The following BNC2 variants were observed in gnomAD, a reference collection of about 807,000 sequenced individuals.
BNC2 encodes basonuclin zinc finger protein 2, also known as zinc finger protein basonuclin-2.
BNC2 carries 20 observed loss-of-function variants against 76.3 expected under a neutral mutation model. The observed-to-expected ratio is 0.26, with a 90% confidence interval of 0.18 to 0.38. The LOEUF (loss-of-function observed/expected upper bound fraction) is 0.38, where lower values mean the gene tolerates loss of function less well. BNC2 is among the 10% of genes least tolerant of loss of function. BNC2 has a pLI of 1.00. For synonymous variants in BNC2, 582 were observed against 514.8 expected (o/e 1.13, Z -1.77); for missense variants, 1,382 against 1,399.8 (o/e 0.99, Z 0.20).
chr9:16,782,156 G>A (rs894950661), intron 1 of BNC2, among the ~76,000 whole-genome samples: 2 of 151,936 alleles, frequency 1.3e-5, no homozygotes, highest in Non-Finnish European at 2.9e-5. Flanking sequence ...GTGGTGGCGT[G>A]CACCTGTAGT....
chr9:16,825,431 G>C lies in BNC2; in HGVS notation c.3+45215C>G, dbSNP rs142561667. On this transcript the variant is annotated intron_variant, in intron 1 of 6. Coordinates refer to ENST00000380672, the MANE Select transcript of BNC2 (RefSeq NM_017637.6). Reference sequence around the variant, plus strand: ...CTATCATTTGCACCTCATTACACTTGGGCTGGAGCTTTGAGAAAGCTGATA... The same window carrying C: ...CTATCATTTGCACCTCATTACACTTCGGCTGGAGCTTTGAGAAAGCTGATA... 1.8e-3 allele frequency among the ~76,000 whole-genome samples: 271 copies of C among 152,198 alleles called. 1 individual carries two copies. Among genetic ancestry groups the C allele is most frequent in the African/African-American group, 5.8e-3 (239 of 41,534 alleles).
At chr9:16,495,032 A>C (rs1330440182) in intron 5 of BNC2, among the ~76,000 whole-genome samples, 2 of 152,184 alleles carry the variant, frequency 1.3e-5, no homozygotes, top group Admixed American at 6.5e-5. Flanking sequence ...AAAGTCAATG[A>C]CGTATCATTA....
rs1005300569 is a variant in BNC2, at chr9:16,412,627, G to A, written c.*6362C>T. 7 of 152,410 alleles carry A rather than the reference G, an allele frequency of 4.6e-5. No individual in the cohort carries two copies. The highest frequency in any genetic ancestry group is 2.9e-5 in the Non-Finnish European group (2 of 68,018). The allele number at this position is 152,410 out of a possible 1,614,324, so 9.4% of individuals were successfully genotyped here. A position where few individuals can be genotyped will look rare whatever the true frequency, so the allele number is the denominator to read the frequency against. On this transcript the variant is annotated 3_prime_UTR_variant, in exon 7 of 7. Transcript: ENST00000380672. ...CCACTTAATAGCTGGAGAGGGCATC[G>A]AGAGGCAGCCTTGGGCTTCCCACAG...
At chr9:16,726,278 A>C (rs146874525) in intron 3 of BNC2, among the ~76,000 whole-genome samples, 49 of 152,306 alleles carry the variant, frequency 3.2e-4, no homozygotes, top group Middle Eastern at 6.8e-3. Flanking sequence ...GATTGCATTT[A>C]AATCCCAGCT....
intron 1 of BNC2, among the ~76,000 whole-genome samples, chr9:16,822,197 CA>C (rs1380379071): frequency 1.3e-5 from 2 of 151,576 alleles, no homozygotes; most frequent in Non-Finnish European, 2.9e-5. Context: ...CTGGGAGGCG[CA>C]GGCTGCGGGG....
chr9:16,462,704 C>T (rs1010881906), intron 5 of BNC2, among the ~76,000 whole-genome samples: 3 of 152,208 alleles, frequency 2.0e-5, no homozygotes, highest in African/African-American at 7.2e-5. Context: ...TATCATCAGT[C>T]TGCAACACAG....
At chr9:16,727,667 G>A (rs1470687160) in intron 3 of BNC2, 130 bp downstream of exon 3, 3 of 755,296 alleles carry the variant, frequency 4.0e-6, no homozygotes, top group Admixed American at 2.8e-5. Context: ...GACAAAACAA[G>A]AGCCTAACTA....
chr9:16,562,640 C>T (rs1207411497), intron 4 of BNC2, among the ~76,000 whole-genome samples: 3 of 152,112 alleles, frequency 2.0e-5, no homozygotes, highest in African/African-American at 7.2e-5. Context: ...AATGTCAAAG[C>T]ACTTAATTTT....
At chr9:16,829,825 G>A (rs1010865989) in intron 1 of BNC2, among the ~76,000 whole-genome samples, 5 of 152,078 alleles carry the variant, frequency 3.3e-5, no homozygotes, top group East Asian at 1.9e-4. Context: ...AAATACTTAA[G>A]AAAAATAAAT....
At chr9:16,661,283 C>G (rs775802616) in intron 3 of BNC2, among the ~76,000 whole-genome samples, 15 of 152,144 alleles carry the variant, frequency 9.9e-5, no homozygotes, top group Middle Eastern at 3.2e-3. Flanking sequence ...TATAGCTAGT[C>G]CTTATTAACT....
chr9:16,738,342 A>G lies in BNC2; in HGVS notation c.129+18T>C, dbSNP rs755786495. On this transcript the variant is annotated intron_variant, in intron 2 of 6. Coordinates refer to ENST00000380672, the MANE Select transcript of BNC2 (RefSeq NM_017637.6). ...TGTGTCCAAGTAACTTAAAGGGGGA[A>G]AAAAAAAACCAACATACCTCAATTT... The G allele has an allele frequency of 5.2e-5, 72 of 1,394,064 alleles. No homozygotes were observed. Among genetic ancestry groups the G allele is most frequent in the Admixed American group, 2.7e-4 (11 of 41,374 alleles). The allele number at this position is 1,394,064 out of a possible 1,614,324, so 86.4% of individuals were successfully genotyped here.
intron 5 of BNC2, among the ~76,000 whole-genome samples, chr9:16,438,012 A>T (rs1821054521): frequency 6.6e-6 from 1 of 152,224 alleles, no homozygotes; most frequent in Non-Finnish European, 1.5e-5. Context: ...ACTGGATTCA[A>T]TGATGAAAAT....
intron 1 of BNC2, among the ~76,000 whole-genome samples, chr9:16,763,537 T>G (rs1252390777): frequency 2.0e-5 from 3 of 151,736 alleles, no homozygotes; most frequent in Non-Finnish European, 2.9e-5. Context: ...ACCACTGCAC[T>G]CCAGCCTGAG....
intron 1 of BNC2, among the ~76,000 whole-genome samples, chr9:16,819,365 A>G (rs1167462206): frequency 6.6e-6 from 1 of 152,234 alleles, no homozygotes; most frequent in African/African-American, 2.4e-5. Context: ...ATCATTAATA[A>G]GAAATATGCA....
intron 5 of BNC2, among the ~76,000 whole-genome samples, chr9:16,461,998 C>T (rs113620802): frequency 0.015 from 2,286 of 152,274 alleles, 40 homozygotes; most frequent in African/African-American, 0.045. Context: ...TTCATTCACA[C>T]ACCTCCAGTT....
chr9:16,451,068 T>C (rs1302483028), intron 5 of BNC2, among the ~76,000 whole-genome samples: 1 of 146,788 alleles, frequency 6.8e-6, no homozygotes, highest in African/African-American at 2.6e-5. Flanking sequence ...ATTAACTTTA[T>C]CTTTTAAGGC....
At chr9:16,518,744 G>A (rs1185520796) in intron 5 of BNC2, among the ~76,000 whole-genome samples, 1 of 152,026 alleles carries the variant, frequency 6.6e-6, no homozygotes, top group Non-Finnish European at 1.5e-5. Flanking sequence ...GGGACTACAG[G>A]TGCCCACCAC....
At chr9:16,484,436 T>A (rs79222626) in intron 5 of BNC2, among the ~76,000 whole-genome samples, 168 of 152,320 alleles carry the variant, frequency 1.1e-3, no homozygotes, top group Non-Finnish European at 1.9e-3. Context: ...GCAGGGCTCA[T>A]ATGCTGACTT....
chr9:16,702,821 C>A (rs948546382), intron 3 of BNC2, among the ~76,000 whole-genome samples: 6 of 152,110 alleles, frequency 3.9e-5, no homozygotes, highest in African/African-American at 1.4e-4. Context: ...GTCCTTTTCC[C>A]CATTTTAAAA....
Sources: allele counts gnomAD v4.1 joint callset (sites outside exome capture counted in the v4.1 genomes callset), GRCh38; gene constraint gnomAD v4.1.1; transcripts MANE v1.5; gene names NCBI Gene and HGNC (gene_info 2026-07-23, HGNC 2026-07-21).